Variants in KCND2 observed in about 807,000 individuals in gnomAD.
The protein encoded by KCND2 is potassium voltage-gated channel subfamily D member 2.
KCND2 carries 16 observed loss-of-function variants against 54.4 expected under a neutral mutation model. The ratio of observed to expected loss-of-function variants is 0.29; its 90% CI spans 0.20 to 0.45. KCND2 has a LOEUF of 0.45. KCND2 is among the 20% of genes least tolerant of loss of function. KCND2 has a pLI of 1.00. For synonymous variants in KCND2, 317 were observed against 310.7 expected, an observed-to-expected ratio of 1.02 and a Z score of -0.21; for missense variants, 486 against 824.2, an observed-to-expected ratio of 0.59 and a Z score of 5.02.
chr7:120,387,120 A>G (rs1250614455), intron 1 of KCND2, among the ~76,000 whole-genome samples: 1 of 152,060 alleles, frequency 6.6e-6, no homozygotes, highest in Non-Finnish European at 1.5e-5. Flanking sequence ...AAACACTTCT[A>G]ATCTGTTTGG....
intron 1 of KCND2, among the ~76,000 whole-genome samples, chr7:120,495,500 A>G (rs1802836163): frequency 6.6e-6 from 1 of 152,192 alleles, no homozygotes; most frequent in South Asian, 2.1e-4. Context: ...ACCCAGAACT[A>G]TGCAGGTTGT....
intron 1 of KCND2, among the ~76,000 whole-genome samples, chr7:120,577,100 CTG>C (rs1255248203): frequency 1.3e-5 from 2 of 152,000 alleles, no homozygotes; most frequent in African/African-American, 4.8e-5. Context: ...TGAGCCAAGA[CTG>C]TGCCACTGCA....
chr7:120,494,580 A>T (rs1802824875), intron 1 of KCND2, among the ~76,000 whole-genome samples: 1 of 152,122 alleles, frequency 6.6e-6, no homozygotes. Flanking sequence ...AAATATGTTT[A>T]TGTTTCTAGA....
chr7:120,574,138 C>A (rs938301301), intron 1 of KCND2, among the ~76,000 whole-genome samples: 3 of 152,090 alleles, frequency 2.0e-5, no homozygotes, highest in African/African-American at 7.2e-5. Flanking sequence ...TTTTCTTGTT[C>A]TTTCACTAAA....
intron 1 of KCND2, among the ~76,000 whole-genome samples, chr7:120,377,203 G>C (rs1483086278): frequency 5.9e-5 from 9 of 151,890 alleles, no homozygotes; most frequent in Admixed American, 5.9e-4. Context: ...AACTCCTTCT[G>C]AGGATTTTTT....
At chr7:120,678,758 A>G (rs1197494148) in intron 1 of KCND2, among the ~76,000 whole-genome samples, 1 of 139,934 alleles carries the variant, frequency 7.1e-6, no homozygotes, top group African/African-American at 2.6e-5. Context: ...ATATATATAT[A>G]TATATATATA....
intron 1 of KCND2, among the ~76,000 whole-genome samples, chr7:120,694,495 T>C (rs1009533855): frequency 2.6e-5 from 4 of 152,196 alleles, no homozygotes; most frequent in Non-Finnish European, 5.9e-5. Flanking sequence ...TCTCTTCCTA[T>C]GCGAGCCTGG....
intron 1 of KCND2, among the ~76,000 whole-genome samples, chr7:120,303,224 C>G (rs1211710067): frequency 2.0e-5 from 3 of 152,070 alleles, no homozygotes; most frequent in Admixed American, 1.3e-4. Flanking sequence ...TGAAGAGAGA[C>G]ACTGCAGAAT....
rs372621342 is a variant in KCND2 at position 120,744,579 on chromosome 7, T to G, written c.1468-1201T>G. On this transcript the variant is annotated intron_variant, in intron 4 of 5. Coordinates refer to ENST00000331113, the MANE Select transcript of KCND2 (RefSeq NM_012281.3). ...TATTTGAAATATTAATTTCAAATAT[T>G]TCTTTGAAATTCTGTCTTGTCTGAT... 2.8e-3 allele frequency among the ~76,000 whole-genome samples: 431 copies of G among 152,324 alleles called. 1 individual carries two copies. The highest frequency in any genetic ancestry group is 6.8e-3 in the Middle Eastern group (2 of 294).
chr7:120,643,551 A>G (rs896312299), intron 1 of KCND2, among the ~76,000 whole-genome samples: 1 of 152,124 alleles, frequency 6.6e-6, no homozygotes, highest in African/African-American at 2.4e-5. Flanking sequence ...ATGACGTGCT[A>G]TTTATTTATA....
intron 3 of KCND2, among the ~76,000 whole-genome samples, chr7:120,741,905 T>TAA (rs141416667): frequency 6.6e-6 from 1 of 151,112 alleles, no homozygotes; most frequent in African/African-American, 2.4e-5. Context: ...ATGGTAAAGG[T>TAA]AAAAAAAAAT....
At chr7:120,635,644 G>T (rs1459313760) in intron 1 of KCND2, among the ~76,000 whole-genome samples, 1 of 152,048 alleles carries the variant, frequency 6.6e-6, no homozygotes, top group Non-Finnish European at 1.5e-5. Flanking sequence ...TGATACTTGA[G>T]AATTTTTCTT....
At chr7:120,474,625 A>T (rs567977574) in intron 1 of KCND2, among the ~76,000 whole-genome samples, 1 of 151,648 alleles carries the variant, frequency 6.6e-6, no homozygotes, top group East Asian at 1.9e-4. Context: ...CAGCCTCCCA[A>T]AGTGCTGGGA....
intron 1 of KCND2, among the ~76,000 whole-genome samples, chr7:120,412,638 C>T (rs1801468313): frequency 6.6e-6 from 1 of 152,022 alleles, no homozygotes; most frequent in Admixed American, 6.6e-5. Context: ...GAGCTTCCCA[C>T]CCTGTGCGGT....
chr7:120,273,191 G>A lies in KCND2; in HGVS notation c.-1442G>A, dbSNP rs1799103645. The stretch of plus-strand genomic sequence containing the variant: ...ACGCCTTTCCTAACCTGCGTGGCGG[G>A]GCGTGCGCGCGGTTATTTATTTATT... On this transcript the variant is annotated 5_prime_UTR_variant, in exon 1 of 6. Transcript: ENST00000331113. 6.6e-6 allele frequency among the ~76,000 whole-genome samples: 1 copy of A among 152,120 alleles called. No homozygotes were observed. Among genetic ancestry groups the A allele is most frequent in the South Asian group, 2.1e-4 (1 of 4,832 alleles).
intron 1 of KCND2, among the ~76,000 whole-genome samples, chr7:120,687,558 G>C (rs1312953352): frequency 1.3e-5 from 2 of 152,056 alleles, no homozygotes; most frequent in Non-Finnish European, 2.9e-5. Flanking sequence ...GCTCATGCCT[G>C]TAATCCCAGC....
chr7:120,469,237 G>A (rs555759785), intron 1 of KCND2, among the ~76,000 whole-genome samples: 4 of 152,034 alleles, frequency 2.6e-5, no homozygotes, highest in Admixed American at 6.6e-5. Context: ...CATCTTTGTC[G>A]TACCTCTGTA....
chr7:120,626,239 T>C (rs1793162147), intron 1 of KCND2, among the ~76,000 whole-genome samples: 1 of 152,196 alleles, frequency 6.6e-6, no homozygotes, highest in South Asian at 2.1e-4. Context: ...TAAGTTAATG[T>C]TCTAGATATA....
At chr7:120,632,353 G>T (rs989877002) in intron 1 of KCND2, among the ~76,000 whole-genome samples, 2 of 152,100 alleles carry the variant, frequency 1.3e-5, no homozygotes, top group Non-Finnish European at 2.9e-5. Context: ...TTGCATCTGA[G>T]AAATTGAAAG....
Sources: allele counts gnomAD v4.1 joint callset (sites outside exome capture counted in the v4.1 genomes callset), GRCh38; gene constraint gnomAD v4.1.1; transcripts MANE v1.5; gene names NCBI Gene and HGNC (gene_info 2026-07-23, HGNC 2026-07-21).